The following RALYL variants were observed in gnomAD, a reference collection of about 807,000 sequenced individuals.
The protein encoded by RALYL is RALY RNA binding protein like.
In RALYL, 29 loss-of-function variants were observed where a neutral mutation model predicts 35.1. That is an observed-to-expected ratio of 0.83 (90% CI 0.61 to 1.13). RALYL has a LOEUF of 1.13. Among genes scored for constraint, RALYL ranks in the 50% most tolerant of loss-of-function variants. The pLI is 0.00. For synonymous variants in RALYL, 120 were observed against 127.6 expected (o/e 0.94, Z 0.40); for missense variants, 359 against 360.4 (o/e 1.00, Z 0.03).
chr8:84,321,233 TGAA>T (rs2130392381), intron 1 of RALYL, among the ~76,000 whole-genome samples: 1 of 152,226 alleles, frequency 6.6e-6, no homozygotes, highest in East Asian at 1.9e-4. Context: ...CTTCAACATG[TGAA>T]GAAGTTGGAA....
chr8:84,577,977 G>A (rs1809867941), intron 2 of RALYL, among the ~76,000 whole-genome samples: 1 of 152,222 alleles, frequency 6.6e-6, no homozygotes, highest in African/African-American at 2.4e-5. Flanking sequence ...AACCTCTGTG[G>A]CTGGTGGTGC....
intron 3 of RALYL, among the ~76,000 whole-genome samples, chr8:84,797,385 G>T (rs1822192960): frequency 6.6e-6 from 1 of 152,114 alleles, no homozygotes; most frequent in African/African-American, 2.4e-5. Context: ...AAATTACTAG[G>T]TTTTTCTGAA....
chr8:84,438,714 C>T (rs545250713), intron 1 of RALYL, among the ~76,000 whole-genome samples: 56 of 151,850 alleles, frequency 3.7e-4, no homozygotes, highest in Non-Finnish European at 5.6e-4. Context: ...TTATAGTTTG[C>T]GGTCTTATAT....
At position 84,371,167 on chromosome 8, in the gene RALYL, A is replaced by G. The variant is rs532004128; in HGVS notation, c.-23-158132A>G. Among the ~76,000 whole-genome samples the G allele has an allele frequency of 1.1e-4, 17 of 152,098 alleles. 2 individuals carry two copies. In the South Asian group the frequency reaches 3.3e-3, roughly 30 times the overall value. ...AGATTCATTACATCCACATTCACTC[A>G]GTATTTACTCTGTCAAGACCTGAGC... On this transcript the variant is annotated intron_variant, in intron 1 of 8. Coordinates refer to ENST00000521268, the MANE Select transcript of RALYL (RefSeq NM_173848.7).
chr8:84,210,544 G>A (rs1398251998), intron 1 of RALYL, among the ~76,000 whole-genome samples: 1 of 151,936 alleles, frequency 6.6e-6, no homozygotes, highest in East Asian at 1.9e-4. Flanking sequence ...TTATTCAAGA[G>A]TCAAAATAGA....
At chr8:84,222,720 T>G (rs1446733917) in intron 1 of RALYL, among the ~76,000 whole-genome samples, 4 of 152,152 alleles carry the variant, frequency 2.6e-5, no homozygotes, top group African/African-American at 9.7e-5. Context: ...TCTTGCTGCA[T>G]GCAAAGACCT....
chr8:84,241,080 A>AT (rs1298041983), intron 1 of RALYL, among the ~76,000 whole-genome samples: 1 of 151,974 alleles, frequency 6.6e-6, no homozygotes, highest in Non-Finnish European at 1.5e-5. Context: ...TGATCTGTTG[A>AT]TTTTTTGTTA....
intron 1 of RALYL, among the ~76,000 whole-genome samples, chr8:84,191,090 A>T (rs1346398837): frequency 6.6e-6 from 1 of 151,846 alleles, no homozygotes. Context: ...AAATAAACTA[A>T]ATGAATGTGA....
At chr8:84,873,254 G>C in intron 6 of RALYL, 30 bp from the exon 7 acceptor site, 1 of 1,295,290 alleles carries the variant, frequency 7.7e-7, no homozygotes, top group Non-Finnish European at 1.1e-6. Flanking sequence ...TTGATGCTCT[G>C]TTGTTTTCTT....
intron 8 of RALYL, among the ~76,000 whole-genome samples, chr8:84,900,169 G>A (rs898322942): frequency 6.6e-6 from 1 of 152,054 alleles, no homozygotes; most frequent in Admixed American, 6.6e-5. Flanking sequence ...ATAACACAGG[G>A]GGAAGAGAAC....
intron 8 of RALYL, among the ~76,000 whole-genome samples, chr8:84,900,503 C>G (rs1373601741): frequency 6.6e-6 from 1 of 151,972 alleles, no homozygotes; most frequent in African/African-American, 2.4e-5. Context: ...ATGGAGAAAC[C>G]CTGTCTCTAT....
At chr8:84,290,924 CTA>C (rs1422575611) in intron 1 of RALYL, among the ~76,000 whole-genome samples, 1 of 152,122 alleles carries the variant, frequency 6.6e-6, no homozygotes, top group Non-Finnish European at 1.5e-5. Flanking sequence ...TTTCAGATCT[CTA>C]ATACTTTTGA....
intron 2 of RALYL, among the ~76,000 whole-genome samples, chr8:84,588,602 G>C (rs1442068900): frequency 2.0e-5 from 3 of 152,152 alleles, no homozygotes; most frequent in Non-Finnish European, 4.4e-5. Context: ...TGCCAAGTGA[G>C]AATTATAGCA....
Position 84,371,493 on chromosome 8 carries a change from C to G in RALYL, c.-23-157806C>G, listed in dbSNP as rs575976138. ...TAGATAAAATGAAATAATGTTTAACCTATGGAGCACAAGTTTATTAAAAAT... is the reference window on the plus strand; with the variant it reads ...TAGATAAAATGAAATAATGTTTAACGTATGGAGCACAAGTTTATTAAAAAT... On this transcript the variant is annotated intron_variant, in intron 1 of 8. Coordinates refer to ENST00000521268, the MANE Select transcript of RALYL (RefSeq NM_173848.7). Among the ~76,000 whole-genome samples, 8 of 149,780 alleles carry G rather than the reference C, an allele frequency of 5.3e-5. No individual in the cohort carries two copies. In the South Asian group the frequency reaches 1.7e-3, roughly 32 times the overall value.
intron 2 of RALYL, among the ~76,000 whole-genome samples, chr8:84,561,042 A>T (rs1222503049): frequency 6.6e-6 from 1 of 152,026 alleles, no homozygotes; most frequent in African/African-American, 2.4e-5. Context: ...TCCTGTCTTC[A>T]CTCATTAAGT....
chr8:84,211,846 C>T (rs1209584115), intron 1 of RALYL, among the ~76,000 whole-genome samples: 1 of 151,948 alleles, frequency 6.6e-6, no homozygotes, highest in African/African-American at 2.4e-5. Context: ...TCTGTGGAGA[C>T]ATAATAATAA....
intron 1 of RALYL, among the ~76,000 whole-genome samples, chr8:84,385,355 A>G (rs1858950821): frequency 6.6e-6 from 1 of 151,860 alleles, no homozygotes; most frequent in South Asian, 2.1e-4. Context: ...ATATAACATT[A>G]TTTTTCAAAA....
chr8:84,619,438 T>C (rs2131030929), intron 2 of RALYL, among the ~76,000 whole-genome samples: 1 of 148,750 alleles, frequency 6.7e-6, no homozygotes, highest in South Asian at 2.2e-4. Flanking sequence ...TTGTTTTCCA[T>C]TTGCTTGGTA....
intron 1 of RALYL, among the ~76,000 whole-genome samples, chr8:84,222,637 A>G (rs1822534459): frequency 6.6e-6 from 1 of 152,128 alleles, no homozygotes; most frequent in Admixed American, 6.6e-5. Context: ...TTTATAAGTA[A>G]CACTATTCTA....
Sources: gnomAD v4.1 joint callset for allele counts (sites outside exome capture counted in the v4.1 genomes callset) on GRCh38, gnomAD v4.1.1 for gene constraint, MANE v1.5 for transcripts, NCBI Gene and HGNC (gene_info 2026-07-23, HGNC 2026-07-21) for gene names.